The following ABR variants were observed in gnomAD, a reference collection of about 807,000 sequenced individuals.
ABR encodes the protein ABR activator of RhoGEF and GTPase, also known as active breakpoint cluster region-related protein.
A neutral mutation model predicts 107.2 loss-of-function variants in ABR; 35 were observed. The ratio of observed to expected loss-of-function variants is 0.33; its 90% CI spans 0.25 to 0.43. ABR has a LOEUF of 0.43. Among genes scored for constraint, ABR ranks in the 20% least tolerant of loss-of-function variants. ABR has a pLI of 1.00. For missense variants in ABR, 815 were observed against 1,115.2 expected, an observed-to-expected ratio of 0.73 and a Z score of 3.83; for synonymous variants, 498 against 462.0, an observed-to-expected ratio of 1.08 and a Z score of -1.00.
At chr17:1,073,760 A>C in intron 6 of ABR, 83 bp from the exon 7 acceptor site, 1 of 1,275,392 alleles carries the variant, frequency 7.8e-7, no homozygotes, top group Middle Eastern at 2.5e-4. Flanking sequence ...TCGTCCCCCC[A>C]CCCGCATGCT....
intron 1 of ABR, among the ~76,000 whole-genome samples, chr17:1,165,312 C>T (rs948340120): frequency 6.6e-6 from 1 of 152,228 alleles, no homozygotes; most frequent in African/African-American, 2.4e-5. Context: ...GAGCTCCTCA[C>T]AAGCCAGTGC....
chr17:1,038,975 G>A (rs1398296417), intron 16 of ABR, among the ~76,000 whole-genome samples: 7 of 152,230 alleles, frequency 4.6e-5, no homozygotes, highest in African/African-American at 1.2e-4. Context: ...TCGCCTCGGC[G>A]AGTTCGCTGA....
chr17:1,218,589 T>A (rs2043057095), intron 1 of ABR, among the ~76,000 whole-genome samples: 1 of 152,160 alleles, frequency 6.6e-6, no homozygotes. Flanking sequence ...TAATATAGAA[T>A]GAGAAGAATG....
chr17:1,175,501 A>G (rs1393678674), intron 1 of ABR, among the ~76,000 whole-genome samples: 3 of 152,176 alleles, frequency 2.0e-5, no homozygotes, highest in African/African-American at 7.2e-5. Flanking sequence ...TTGCTACATT[A>G]ATACAGGCAA....
intron 1 of ABR, among the ~76,000 whole-genome samples, chr17:1,143,408 G>GCAGCTCGCTCCTGGGGGA (rs2040391630): frequency 5.0e-5 from 1 of 20,150 alleles, no homozygotes; most frequent in African/African-American, 2.6e-4. Context: ...CTCCTGGGGG[G>GCAGCTCGCTCCTGGGGGA]CAGCTCGCTC....
intron 16 of ABR, among the ~76,000 whole-genome samples, chr17:1,045,245 G>T (rs1406845250): frequency 6.6e-6 from 1 of 152,190 alleles, no homozygotes; most frequent in African/African-American, 2.4e-5. Context: ...AATCGCTCTC[G>T]TTCCACCTCC....
chr17:1,074,942 A>G (rs2035577771), intron 6 of ABR, among the ~76,000 whole-genome samples: 1 of 152,154 alleles, frequency 6.6e-6, no homozygotes, highest in Non-Finnish European at 1.5e-5. Context: ...GCAAAACTCC[A>G]TCTCAAAAAA....
intron 1 of ABR, among the ~76,000 whole-genome samples, chr17:1,212,050 C>T (rs2042912604): frequency 6.7e-6 from 1 of 150,282 alleles, no homozygotes; most frequent in African/African-American, 2.5e-5. Context: ...CCGCTGCACT[C>T]TAGCCTAGGC....
At chr17:1,198,059 T>C (rs1487142239) in intron 1 of ABR, among the ~76,000 whole-genome samples, 1 of 151,726 alleles carries the variant, frequency 6.6e-6, no homozygotes, top group Non-Finnish European at 1.5e-5. Flanking sequence ...TGTCGCCTTC[T>C]GGACATAAAG....
intron 3 of ABR, among the ~76,000 whole-genome samples, chr17:1,093,130 G>A (rs566488809): frequency 2.6e-4 from 39 of 150,850 alleles, no homozygotes; most frequent in African/African-American, 7.0e-4. Flanking sequence ...CAGCCATGTC[G>A]GATTCTGTTG....
At chr17:1,087,519 GGGGCAGGGCCGGACTTTTAAAAGA>G (rs1238476624) in intron 4 of ABR, among the ~76,000 whole-genome samples, 1 of 152,104 alleles carries the variant, frequency 6.6e-6, no homozygotes, top group Non-Finnish European at 1.5e-5. Context: ...ACTTTAAAAG[GGGGCAGGGCCGGACTTTTAAAAGA>G]GGGCGGGGCC....
chr17:1,107,733 G>A (rs933164449), intron 2 of ABR, among the ~76,000 whole-genome samples: 3 of 152,182 alleles, frequency 2.0e-5, no homozygotes, highest in Admixed American at 6.5e-5. Context: ...ACGGGGAGAC[G>A]TGACTTACCC....
intron 1 of ABR, among the ~76,000 whole-genome samples, chr17:1,221,448 G>A (rs1335011958): frequency 6.6e-6 from 1 of 152,224 alleles, no homozygotes. Flanking sequence ...CAGAAAGACT[G>A]AAAAGCCTCC....
At chr17:1,127,243 C>A (rs1249727155) in intron 1 of ABR, among the ~76,000 whole-genome samples, 4 of 151,322 alleles carry the variant, frequency 2.6e-5, no homozygotes, top group African/African-American at 9.9e-5. Flanking sequence ...TGCCCCATCA[C>A]TGAGATGAGT....
rs138660366 is a variant in ABR, at chr17:1,174,337, A to C, written c.61+5330T>G. Among the ~76,000 whole-genome samples the C allele has an allele frequency of 7.4e-4, 113 of 152,358 alleles. 1 individual carries two copies. The East Asian group carries it at 0.017, about 23-fold the overall frequency. On this transcript the variant is annotated intron_variant, in intron 1 of 22. Coordinates refer to ENST00000302538, the MANE Select transcript of ABR (RefSeq NM_021962.5). ...TGGGCTATTCCGAAAACAAGCAAGC[A>C]TCTGCCAGCAGGCGCTCACTAGCAC...
intron 4 of ABR, among the ~76,000 whole-genome samples, chr17:1,087,547 C>A (rs1268551036): frequency 5.0e-5 from 4 of 80,192 alleles, no homozygotes; most frequent in Non-Finnish European, 9.9e-5. Flanking sequence ...TAAAAGAGGG[C>A]GGGGCCTGAG....
rs112507970 is a variant in ABR at position 1,115,520 on chromosome 17, G to T, written c.246+9663C>A. On this transcript the variant is annotated intron_variant, in intron 2 of 22. Coordinates refer to ENST00000302538, the MANE Select transcript of ABR (RefSeq NM_021962.5). ...AGGGCAGTTGCAGCCACTAACTGCA[G>T]CCACAGATGGGACTGGATTCGTCAC... The T allele has an allele frequency of 6.5e-3, 990 of 152,776 alleles. 11 individuals carry two copies. Among genetic ancestry groups the T allele is most frequent in the African/African-American group, 0.023 (941 of 41,604 alleles). 9.5% of individuals were successfully genotyped at this position (152,776 alleles called of 1,614,324 possible).
intron 4 of ABR, among the ~76,000 whole-genome samples, chr17:1,087,406 G>A (rs1476309468): frequency 6.6e-6 from 1 of 152,210 alleles, no homozygotes; most frequent in Non-Finnish European, 1.5e-5. Context: ...GGTGGGGCAG[G>A]GGAGCGGGGG....
At chr17:1,158,959 A>G (rs2041152401) in intron 1 of ABR, among the ~76,000 whole-genome samples, 1 of 152,200 alleles carries the variant, frequency 6.6e-6, no homozygotes, top group Admixed American at 6.5e-5. Context: ...TTCAGACTAC[A>G]GGGAGCCTGT....
Sources: gnomAD v4.1 joint callset for allele counts (sites outside exome capture counted in the v4.1 genomes callset) on GRCh38, gnomAD v4.1.1 for gene constraint, MANE v1.5 for transcripts, NCBI Gene and HGNC (gene_info 2026-07-23, HGNC 2026-07-21) for gene names.